CBFA2T2: variants seen among roughly 807,000 people sequenced by gnomAD.
CBFA2T2 encodes the protein protein CBFA2T2.
Under a neutral mutation model 62.2 loss-of-function variants are expected in CBFA2T2, and 11 were observed. That is an observed-to-expected ratio of 0.18 (90% CI 0.11 to 0.29). CBFA2T2 has a LOEUF of 0.29. CBFA2T2 is among the 10% of genes least tolerant of loss of function. The pLI, the probability that CBFA2T2 is intolerant of heterozygous loss-of-function variation, is 1.00. For missense variants in CBFA2T2, 592 were observed against 774.1 expected (o/e 0.76, Z 2.79); for synonymous variants, 295 against 287.5 (o/e 1.03, Z -0.27).
intron 1 of CBFA2T2, among the ~76,000 whole-genome samples, chr20:33,576,361 C>T (rs932077000): frequency 1.3e-5 from 2 of 152,150 alleles, no homozygotes; most frequent in Non-Finnish European, 2.9e-5. Context: ...TGGATACTTG[C>T]CCTGCCAGAG....
At chr20:33,643,804 TATATATATATATA>T (rs2016945006) in intron 10 of CBFA2T2, among the ~76,000 whole-genome samples, 3 of 65,558 alleles carry the variant, frequency 4.6e-5, no homozygotes, top group African/African-American at 2.1e-4. Context: ...TATATATATA[TATATATATATATA>T]GTATATAATG....
intron 5 of CBFA2T2, 106 bp downstream of exon 5, chr20:33,623,402 ACTTTT>A: frequency 1.5e-6 from 2 of 1,338,824 alleles, no homozygotes; most frequent in Non-Finnish European, 2.1e-6. Context: ...AATGTCTCAA[ACTTTT>A]TTTGAGACAA....
intron 1 of CBFA2T2, among the ~76,000 whole-genome samples, chr20:33,578,723 A>T (rs1022428624): frequency 2.0e-5 from 3 of 152,132 alleles, no homozygotes; most frequent in Non-Finnish European, 4.4e-5. Context: ...CATAAGGCCC[A>T]CTCTGGCACC....
intron 1 of CBFA2T2, among the ~76,000 whole-genome samples, chr20:33,593,646 G>A (rs1392071412): frequency 6.6e-6 from 1 of 152,086 alleles, no homozygotes; most frequent in African/African-American, 2.4e-5. Flanking sequence ...GCCTGCCTCC[G>A]CCTCCCAAAG....
At chr20:33,543,302 G>C (rs960214264) in intron 1 of CBFA2T2, among the ~76,000 whole-genome samples, 1 of 152,098 alleles carries the variant, frequency 6.6e-6, no homozygotes, top group Non-Finnish European at 1.5e-5. Flanking sequence ...GAGCCACCGT[G>C]CCCGGCGAAA....
intron 1 of CBFA2T2, among the ~76,000 whole-genome samples, chr20:33,506,838 G>A (rs1001694970): frequency 3.3e-5 from 5 of 152,136 alleles, no homozygotes; most frequent in Admixed American, 3.3e-4. Flanking sequence ...CTAGCTATGA[G>A]TTTTCTGTAG....
chr20:33,624,236 TAAA>T (rs373462820), intron 5 of CBFA2T2, among the ~76,000 whole-genome samples: 23 of 70,018 alleles, frequency 3.3e-4, no homozygotes, highest in Non-Finnish European at 4.6e-4. Context: ...TTTTTAAAAG[TAAA>T]AAAAAAAAAA....
intron 1 of CBFA2T2, among the ~76,000 whole-genome samples, chr20:33,497,009 C>T (rs1162144951): frequency 1.3e-5 from 2 of 152,106 alleles, no homozygotes; most frequent in African/African-American, 4.8e-5. Flanking sequence ...TGCGGTGGCT[C>T]ATGCCTGTAA....
At chr20:33,644,299 C>A in intron 10 of CBFA2T2, 48 bp from the exon 11 acceptor site, 1 of 1,572,908 alleles carries the variant, frequency 6.4e-7, no homozygotes, top group East Asian at 2.2e-5. Flanking sequence ...GAATGGCAAG[C>A]CTGCCCCTCA....
intron 1 of CBFA2T2, among the ~76,000 whole-genome samples, chr20:33,605,492 G>A (rs994192327): frequency 2.6e-5 from 4 of 152,146 alleles, no homozygotes; most frequent in African/African-American, 9.7e-5. Flanking sequence ...AAAATAACTT[G>A]TTAGATATAT....
intron 9 of CBFA2T2, 38 bp from the exon 10 acceptor site, chr20:33,640,302 AT>A (rs1426540783): frequency 1.9e-6 from 3 of 1,584,382 alleles, no homozygotes; most frequent in East Asian, 2.3e-5. Context: ...GAGGGAAAAG[AT>A]TTCTCGGCCA....
chr20:33,522,092 C>A (rs1003736258), intron 1 of CBFA2T2, among the ~76,000 whole-genome samples: 1 of 151,980 alleles, frequency 6.6e-6, no homozygotes, highest in African/African-American at 2.4e-5. Flanking sequence ...AGGTTCCATG[C>A]ACTGAAGAAT....
intron 1 of CBFA2T2, among the ~76,000 whole-genome samples, chr20:33,546,822 C>A (rs1260972063): frequency 6.7e-6 from 1 of 148,508 alleles, no homozygotes; most frequent in Non-Finnish European, 1.5e-5. Context: ...ATTGAGTTTA[C>A]CATTTGTAGC....
chr20:33,573,256 T>C (rs1261880196), intron 1 of CBFA2T2, among the ~76,000 whole-genome samples: 2 of 152,092 alleles, frequency 1.3e-5, no homozygotes, highest in African/African-American at 2.4e-5. Context: ...CTAAAATGTA[T>C]GTTTATGTAT....
chr20:33,642,797 A>G (rs1247455431), intron 10 of CBFA2T2, among the ~76,000 whole-genome samples: 1 of 152,142 alleles, frequency 6.6e-6, no homozygotes, highest in African/African-American at 2.4e-5. Flanking sequence ...AACTATGTCT[A>G]TCTCCAAAGA....
At chr20:33,569,967 G>A (rs1347180596) in intron 1 of CBFA2T2, among the ~76,000 whole-genome samples, 5 of 152,152 alleles carry the variant, frequency 3.3e-5, no homozygotes, top group Non-Finnish European at 7.3e-5. Flanking sequence ...CCTGAGGCAA[G>A]AGGATTACTT....
chr20:33,623,287 G>A lies in CBFA2T2; in HGVS notation c.683G>A (p.Ser228Asn), dbSNP rs985214984. Residue 228 changes from serine (S) to asparagine (N), a missense_variant, in exon 5 of 11, where the codon AGT becomes AAT. Physicochemically the swap from Ser to Asn is conservative, Grantham distance 46. Transcript: ENST00000342704. Reference protein sequence around the residue: ...MEVHGNGKRPSPERREENSFD... With the variant: ...MEVHGNGKRPNPERREENSFD... The stretch of plus-strand genomic sequence containing the variant: ...GTGCACGGAAATGGGAAGAGGCCCA[G>A]TCCAGAGAGGTGAGCAGATGAGCTT... 5.6e-6 allele frequency: 9 copies of A among 1,614,240 alleles called. No homozygotes were observed.
intron 1 of CBFA2T2, among the ~76,000 whole-genome samples, chr20:33,546,944 T>A (rs1442994239): frequency 6.6e-6 from 1 of 152,188 alleles, no homozygotes; most frequent in Admixed American, 6.5e-5. Context: ...CTCATGCCTG[T>A]AATCCCAGCA....
At chr20:33,493,624 C>T (rs1395876792) in intron 1 of CBFA2T2, among the ~76,000 whole-genome samples, 2 of 152,136 alleles carry the variant, frequency 1.3e-5, no homozygotes, top group African/African-American at 4.8e-5. Flanking sequence ...CCTCAGCCTC[C>T]CTAGTAGCTG....
Sources: allele counts gnomAD v4.1 joint callset (sites outside exome capture counted in the v4.1 genomes callset), GRCh38; gene constraint gnomAD v4.1.1; transcripts MANE v1.5; gene names NCBI Gene and HGNC (gene_info 2026-07-23, HGNC 2026-07-21).